CSF2RB: variants seen among roughly 807,000 people sequenced by gnomAD.
The protein encoded by CSF2RB is cytokine receptor common subunit beta.
In CSF2RB, 22 loss-of-function variants were observed where a neutral mutation model predicts 67.2. The observed-to-expected ratio is 0.33, with a 90% CI of 0.23 to 0.47. The LOEUF is 0.47. Among genes scored for constraint, CSF2RB ranks in the 20% least tolerant of loss-of-function variants. The probability of loss-of-function intolerance (pLI) is 1.00; values close to 1 mark genes in which losing one functional copy is unlikely to be tolerated. For missense variants in CSF2RB, 1,113 were observed against 1,174.5 expected, an observed-to-expected ratio of 0.95 and a Z score of 0.76; for synonymous variants, 507 against 482.9, an observed-to-expected ratio of 1.05 and a Z score of -0.65.
At chr22:36,936,154 G>C (rs1233650654) in intron 12 of CSF2RB, among the ~76,000 whole-genome samples, 3 of 152,134 alleles carry the variant, frequency 2.0e-5, no homozygotes, top group Non-Finnish European at 2.9e-5. Flanking sequence ...GAGGCTGGGG[G>C]CCATGTTGGG....
Position 36,939,004 on chromosome 22 carries a change from C to G in CSF2RB, c.*502C>G, listed in dbSNP as rs933065831. 38 of 625,184 alleles carry G rather than the reference C, an allele frequency of 6.1e-5. No individual in the cohort carries two copies. In the African/African-American group the frequency reaches 6.4e-4, roughly 10 times the overall value. 38.7% of individuals were successfully genotyped at this position (625,184 alleles called of 1,614,324 possible). On this transcript the variant is annotated 3_prime_UTR_variant, in exon 14 of 14. Coordinates refer to ENST00000403662, the MANE Select transcript of CSF2RB (RefSeq NM_000395.3). ...CTCATCTGGGTGCAGAGGTGGGAGG[C>G]ACCAGGTGGGCACCCGTGGGGGTTA...
chr22:36,936,402 CA>C, intron 12 of CSF2RB, 146 bp from the exon 13 acceptor site: 1 of 703,308 alleles, frequency 1.4e-6, no homozygotes. Context: ...TTGCTGGTGT[CA>C]AAAGGCCGTG....
chr22:36,935,965 G>T (rs1272366892), intron 12 of CSF2RB, among the ~76,000 whole-genome samples: 2 of 152,314 alleles, frequency 1.3e-5, no homozygotes, highest in Admixed American at 1.3e-4. Flanking sequence ...TCACAGAGGG[G>T]GTTCCTGCTA....
chr22:36,938,025 C>T lies in CSF2RB; in HGVS notation c.2217C>T (p.Asp739=), dbSNP rs753952204. 8.1e-6 allele frequency: 13 copies of T among 1,613,968 alleles called. No individual in the cohort carries two copies. The highest frequency in any genetic ancestry group is 1.1e-5 in the Non-Finnish European group (13 of 1,180,014). The change falls in exon 14 of 14, where the codon GAC becomes GAT. Residue 739 remains aspartate, a synonymous_variant. Coordinates refer to ENST00000403662, the MANE Select transcript of CSF2RB (RefSeq NM_000395.3). ...TTCCCTCTCTGGGCCTCCCCTCAGA[C>T]CAGACCCCCAGCTTATGTCCTGGGC... The part of the protein sequence containing the change: ...SLVPSLGLPS[D]QTPSLCPGLA...
At chr22:36,932,456 A>T (rs1337181189) in intron 8 of CSF2RB, among the ~76,000 whole-genome samples, 1 of 141,998 alleles carries the variant, frequency 7.0e-6, no homozygotes, top group Non-Finnish European at 1.5e-5. Context: ...AAAAAAAAAT[A>T]GCCAGTTGCC....
Position 36,938,473 on chromosome 22 carries a change from G to A in CSF2RB, c.2665G>A (p.Glu889Lys), listed in dbSNP as rs1941324314. The A allele has an allele frequency of 6.2e-6, 10 of 1,613,894 alleles. No homozygotes were observed. The highest frequency in any genetic ancestry group is 1.3e-5 in the African/African-American group (1 of 74,998). ...GGACTACCTGTCTCTGCCCCCTTGG[G>A]AGGTCAACAAGCCTGGGGAGGTGTG... The part of the protein sequence containing the change: ...QQDYLSLPPW[E>K]VNKPGEVC The change falls in exon 14 of 14, where the codon GAG becomes AAG. Residue 889 changes from glutamate (E) to lysine (K), a missense_variant. By Grantham distance (56) the Glu-to-Lys change is moderately conservative. Coordinates refer to ENST00000403662, the MANE Select transcript of CSF2RB (RefSeq NM_000395.3).
intron 1 of CSF2RB, among the ~76,000 whole-genome samples, chr22:36,919,802 A>G (rs1042417241): frequency 6.6e-6 from 1 of 152,202 alleles, no homozygotes; most frequent in Non-Finnish European, 1.5e-5. Flanking sequence ...TTAAATGGCT[A>G]TGATTCTCAA....
In CSF2RB at chr22:36,937,650, G is replaced by A. The variant is rs770970039; in HGVS notation, c.1842G>A (p.Glu614=). ...TGGGCCAGCCGGAGCCCCCACAGGA[G>A]GGTGGGAGCCAGAAGTCCCCACCTC... is the stretch of plus-strand genomic sequence containing the variant. ...DILGQPEPPQ[E]GGSQKSPPPG... Residue 614 remains glutamate, a synonymous_variant, in exon 14 of 14, where the codon GAG becomes GAA. Coordinates refer to ENST00000403662, the MANE Select transcript of CSF2RB (RefSeq NM_000395.3). The surrounding 1 kb of genome is among the most constrained non-coding windows in gnomAD (Gnocchi z 4.6). 4 of 1,556,624 alleles carry A rather than the reference G, an allele frequency of 2.6e-6. No individual in the cohort carries two copies. In the South Asian group the frequency reaches 3.5e-5, roughly 14 times the overall value.
At position 36,933,819 on chromosome 22, in the gene CSF2RB, T is replaced by C. The variant is rs117405606; in HGVS notation, c.1153-13T>C. The C allele has an allele frequency of 6.7e-3, 10,701 of 1,602,758 alleles. 179 individuals carry two copies. The highest frequency in any genetic ancestry group is 0.046 in the South Asian group (4,153 of 90,136). ...GCACCGGGCCAGGCCTCACCCTCAG[T>C]GCCAACCCACAGGACAGCAAGACCG... On this transcript the variant is annotated splice_polypyrimidine_tract_variant and intron_variant, in intron 9 of 13. Coordinates refer to ENST00000403662, the MANE Select transcript of CSF2RB (RefSeq NM_000395.3).
rs1041534829 is a variant in CSF2RB, at chr22:36,939,693, G to T, written c.*1191G>T. On this transcript the variant is annotated 3_prime_UTR_variant, in exon 14 of 14. Coordinates refer to ENST00000403662, the MANE Select transcript of CSF2RB (RefSeq NM_000395.3). ...CTTCTGTTGGGTGCTATCATTTTCT[G>T]ATTAAGTCTTTTTGACTATTGACAT... The T allele has an allele frequency of 5.9e-6, 1 of 170,466 alleles. No homozygotes were observed. Among genetic ancestry groups the T allele is most frequent in the Non-Finnish European group, 1.3e-5 (1 of 77,430 alleles). 10.6% of individuals were successfully genotyped at this position (170,466 alleles called of 1,614,324 possible). A position where few individuals can be genotyped will look rare whatever the true frequency, so the allele number is the denominator to read the frequency against.
chr22:36,920,981 T>C (rs1940848707), intron 1 of CSF2RB, among the ~76,000 whole-genome samples: 2 of 123,646 alleles, frequency 1.6e-5, no homozygotes, highest in African/African-American at 2.5e-5. Context: ...TGTCCATTGA[T>C]AGATTCTGTG....
chr22:36,926,117 T>C lies in CSF2RB; in HGVS notation c.331T>C (p.Phe111Leu). The C allele has an allele frequency of 6.2e-7, 1 of 1,614,202 alleles. No homozygotes were observed. Among genetic ancestry groups the C allele is most frequent in the Non-Finnish European group, 8.5e-7 (1 of 1,180,038 alleles). Residue 111 changes from phenylalanine to leucine, a missense_variant, in exon 4 of 14, where the codon TTC (phenylalanine) becomes CTC (leucine). Physicochemically the swap from Phe to Leu is conservative, Grantham distance 22. Transcript: ENST00000403662. ...TTTTGTCGTCACTGACGTTGACTACTTCTCATTCCAACCAGACAGGCCTCT... is the reference window on the plus strand; with the variant it reads ...TTTTGTCGTCACTGACGTTGACTACCTCTCATTCCAACCAGACAGGCCTCT... ...QSFVVTDVDY[F>L]SFQPDRPLGT...
At chr22:36,929,095 G>T (rs1301336931) in intron 4 of CSF2RB, among the ~76,000 whole-genome samples, 2 of 152,252 alleles carry the variant, frequency 1.3e-5, no homozygotes, top group Non-Finnish European at 2.9e-5. Context: ...CCAGGCCGCA[G>T]CGTGGGCAGT....
chr22:36,921,893 G>T, intron 1 of CSF2RB, 143 bp from the exon 2 acceptor site: 1 of 498,988 alleles, frequency 2.0e-6, no homozygotes, highest in Non-Finnish European at 3.7e-6. Flanking sequence ...GCCACACAGC[G>T]CATGTCCATT....
intron 1 of CSF2RB, among the ~76,000 whole-genome samples, chr22:36,921,343 G>A (rs557928144): frequency 7.3e-5 from 11 of 151,674 alleles, no homozygotes; most frequent in Non-Finnish European, 1.6e-4. Context: ...GTGTGTCTGT[G>A]TGTGCATTTG....
At chr22:36,928,924 G>A (rs1214164872) in intron 4 of CSF2RB, among the ~76,000 whole-genome samples, 6 of 152,204 alleles carry the variant, frequency 3.9e-5, no homozygotes, top group Non-Finnish European at 8.8e-5. Flanking sequence ...GAAGGAATGA[G>A]GGATTCCGCC....
intron 4 of CSF2RB, among the ~76,000 whole-genome samples, chr22:36,927,594 A>G (rs570632926): frequency 2.0e-5 from 3 of 152,286 alleles, no homozygotes; most frequent in Admixed American, 2.0e-4. Context: ...AGGGCTGGAC[A>G]GCGGTGGGAA....
rs375401270 is a variant in CSF2RB, at chr22:36,938,131, C to T, written c.2323C>T (p.Arg775Trp). ...TGTGGAGCTCCCTCCAATTGAGGGC[C>T]GGTCCCCCAGGTCACCAAGGAACAA... ...GYVELPPIEG[R>W]SPRSPRNNPV... is the part of the protein sequence containing the mutation. Residue 775 changes from arginine to tryptophan, a missense_variant, in exon 14 of 14, where the codon CGG becomes TGG. Arg to Trp is a moderately radical substitution (Grantham distance 101). Transcript: ENST00000403662. The T allele has an allele frequency of 4.8e-5, 78 of 1,613,934 alleles. 1 individual carries two copies. The highest frequency in any genetic ancestry group is 1.6e-4 in the Middle Eastern group (1 of 6,084).
At chr22:36,916,210 G>C (rs1940711470) in intron 1 of CSF2RB, among the ~76,000 whole-genome samples, 1 of 151,894 alleles carries the variant, frequency 6.6e-6, no homozygotes, top group Admixed American at 6.6e-5. Flanking sequence ...TTTACTTTAT[G>C]GTTTCTGGTT....
Sources: gnomAD v4.1 joint callset for allele counts (sites outside exome capture counted in the v4.1 genomes callset) on GRCh38, gnomAD v4.1.1 for gene constraint, Gnocchi (gnomAD v3.1) non-coding constraint, MANE v1.5 for transcripts, NCBI Gene and HGNC (gene_info 2026-07-23, HGNC 2026-07-21) for gene names.